Variants in ZNF544 observed in about 807,000 individuals in gnomAD.
ZNF544 encodes the protein zinc finger protein AF020591.
Under a neutral mutation model 13.5 loss-of-function variants are expected in ZNF544, and 10 were observed. The observed-to-expected ratio is 0.74, with a 90% CI of 0.46 to 1.25. The LOEUF (loss-of-function observed/expected upper bound fraction) is 1.25, where lower values mean the gene tolerates loss of function less well. ZNF544 is among the 50% of genes most tolerant of loss of function. The probability of loss-of-function intolerance (pLI) is 0.00; values close to 1 mark genes in which losing one functional copy is unlikely to be tolerated. For missense variants in ZNF544, 896 were observed against 845.6 expected (o/e 1.06, Z -0.74); for synonymous variants, 323 against 300.5 (o/e 1.07, Z -0.77).
Position 58,262,280 on chromosome 19 carries a change from A to G in ZNF544, c.1674A>G (p.Arg558=). The change falls in exon 7 of 7, where the codon AGA becomes AGG. Residue 558 remains arginine, a synonymous_variant. Coordinates refer to ENST00000687789, the MANE Select transcript of ZNF544 (RefSeq NM_014480.4). The stretch of plus-strand genomic sequence containing the variant: ...GTATTGAATGTGGGAAATCCTTCAG[A>G]TGGAACTCTAACCTCGTCATACATC... ...YQCIECGKSF[R]WNSNLVIHQR... 2 of 1,613,156 alleles carry G rather than the reference A, an allele frequency of 1.2e-6. No homozygotes were observed. Among genetic ancestry groups the G allele is most frequent in the South Asian group, 2.2e-5 (2 of 91,008 alleles).
chr19:58,261,614 C>A lies in ZNF544; in HGVS notation c.1008C>A (p.Pro336=). ...GTGAGGAACGCTGTGCTGCCTTCCC[C>A]ATGGCCTCATCTTTTTCTGACTGTA... ...FRCEERCAAF[P]MASSFSDCNI... The change falls in exon 7 of 7, where the codon CCC becomes CCA. Residue 336 remains proline (P), a synonymous_variant. Transcript: ENST00000687789. 6.2e-7 allele frequency: 1 copy of A among 1,614,228 alleles called. No homozygotes were observed. Among genetic ancestry groups the A allele is most frequent in the Non-Finnish European group, 8.5e-7 (1 of 1,180,046 alleles).
intron 6 of ZNF544, among the ~76,000 whole-genome samples, chr19:58,248,306 A>C (rs1489715938): frequency 7.7e-6 from 1 of 130,226 alleles, no homozygotes; most frequent in African/African-American, 3.0e-5. Context: ...ACAGTGATGC[A>C]GTCATAGCTT....
chr19:58,260,608 C>G, intron 6 of ZNF544: 1 of 409,230 alleles, frequency 2.4e-6, no homozygotes, highest in Non-Finnish European at 4.4e-6. Flanking sequence ...TTCTTCTGCC[C>G]TCTATTTGGG....
intron 6 of ZNF544, among the ~76,000 whole-genome samples, chr19:58,257,005 T>C (rs921980931): frequency 1.3e-5 from 2 of 151,672 alleles, no homozygotes; most frequent in Non-Finnish European, 2.9e-5. Flanking sequence ...CACTGCAAGC[T>C]CCGCCTCCCA....
chr19:58,268,623 G>A (rs115513475), downstream of ZNF544, among the ~76,000 whole-genome samples: 93 of 152,296 alleles, frequency 6.1e-4, no homozygotes, highest in African/African-American at 2.0e-3. Flanking sequence ...TCCTGTCTCC[G>A]TTGGCTGGAG....
exon 7 of ZNF544, chr19:58,277,328 C>T: frequency 1.7e-6 from 2 of 1,148,682 alleles, no homozygotes; most frequent in Non-Finnish European, 2.2e-6. Flanking sequence ...CCTCCGTCCC[C>T]ACTGGTAACG....
At chr19:58,246,920 G>C in intron 6 of ZNF544, 126 bp downstream of exon 6, 1 of 769,830 alleles carries the variant, frequency 1.3e-6, no homozygotes, top group Non-Finnish European at 2.1e-6. Flanking sequence ...GCTCTTTGCA[G>C]CAGTTCACCC....
At chr19:58,269,150 G>A (rs1418588661) in intron 5 of ZNF544, among the ~76,000 whole-genome samples, 1 of 152,156 alleles carries the variant, frequency 6.6e-6, no homozygotes, top group Non-Finnish European at 1.5e-5. Flanking sequence ...AAAACAGATG[G>A]CAGGCTGGGC....
intron 3 of ZNF544, among the ~76,000 whole-genome samples, chr19:58,233,020 A>G (rs111373180): frequency 0.099 from 14,916 of 151,334 alleles, 2,418 homozygotes; most frequent in African/African-American, 0.34. Flanking sequence ...TAATTGACTC[A>G]CAGTTCCACA....
At chr19:58,252,096 C>A (rs1194476170) in intron 6 of ZNF544, among the ~76,000 whole-genome samples, 1 of 152,148 alleles carries the variant, frequency 6.6e-6, no homozygotes, top group Non-Finnish European at 1.5e-5. Flanking sequence ...AAACTTTTAT[C>A]CTTTGCAAGC....
At position 58,262,899 on chromosome 19, in the gene ZNF544, G is replaced by C; in HGVS notation, c.*145G>C. 1 of 1,475,074 alleles carries C rather than the reference G, an allele frequency of 6.8e-7. No homozygotes were observed. Among genetic ancestry groups the C allele is most frequent in the East Asian group, 2.4e-5 (1 of 42,232 alleles). 91.4% of individuals were successfully genotyped at this position (1,475,074 alleles called of 1,614,324 possible). Reference sequence around the variant, plus strand: ...ATTGAACATCAGAGGACATATCCTGGAGAAAAGCCCTACGAATGCATTGAT... The same window carrying C: ...ATTGAACATCAGAGGACATATCCTGCAGAAAAGCCCTACGAATGCATTGAT... On this transcript the variant is annotated 3_prime_UTR_variant, in exon 7 of 7. Transcript: ENST00000687789.
Position 58,263,098 on chromosome 19 carries a change from GA to G in ZNF544, c.*348del. The G allele has an allele frequency of 9.6e-7, 1 of 1,046,198 alleles. No homozygotes were observed. The highest frequency in any genetic ancestry group is 1.2e-6 in the Non-Finnish European group (1 of 866,870). The allele number at this position is 1,046,198 out of a possible 1,614,324, so 64.8% of individuals were successfully genotyped here. ...AGCCCTGTGAATGTTAACAAATGTG[GA>G]AAAGCTTCCAGTTATGATACTTTCC... On this transcript the variant is annotated 3_prime_UTR_variant, in exon 7 of 7. Coordinates refer to ENST00000687789, the MANE Select transcript of ZNF544 (RefSeq NM_014480.4).
At chr19:58,240,434 T>A (rs1194202265) in intron 3 of ZNF544, among the ~76,000 whole-genome samples, 1 of 151,942 alleles carries the variant, frequency 6.6e-6, no homozygotes. Flanking sequence ...ATTTTTTGTA[T>A]TTTTAGTAGA....
chr19:58,246,904 T>A (rs914349806), intron 6 of ZNF544, 110 bp downstream of exon 6: 4 of 966,404 alleles, frequency 4.1e-6, no homozygotes, highest in Non-Finnish European at 6.3e-6. Context: ...GGAAGCCTCC[T>A]TGGGTGCTCT....
intron 5 of ZNF544, among the ~76,000 whole-genome samples, chr19:58,274,487 G>C (rs924193770): frequency 2.6e-5 from 4 of 152,096 alleles, no homozygotes; most frequent in Non-Finnish European, 5.9e-5. Flanking sequence ...CTAAGGAAAG[G>C]GATGGAACAT....
Position 58,238,840 on chromosome 19 carries a change from C to T in ZNF544, c.-59-5125C>T, listed in dbSNP as rs1375747500. ...CAGGTTGTAGGGATTAGGATATGGC[C>T]ATCATTCAACCCACTAAGTCACGGT... On this transcript the variant is annotated intron_variant, in intron 3 of 6. Transcript: ENST00000687789. Among the ~76,000 whole-genome samples, 4 of 150,778 alleles carry T rather than the reference C, an allele frequency of 2.7e-5. No individual in the cohort carries two copies. The Admixed American group carries it at 2.7e-4, about 10-fold the overall frequency.
At position 58,262,526 on chromosome 19, in the gene ZNF544, C is replaced by T. The variant is rs753178441; in HGVS notation, c.1920C>T (p.Ala640=). ...ACAAATGCAATCAGTGCAATAAAGC[C>T]TTTGCAAGGAGCTCCTACCTTGTGA... is the stretch of plus-strand genomic sequence containing the variant. The part of the protein sequence containing the change: ...KPYKCNQCNK[A]FARSSYLVMH... Residue 640 remains alanine (A), a synonymous_variant, in exon 7 of 7, where the codon GCC becomes GCT. Transcript: ENST00000687789. The T allele has an allele frequency of 1.6e-5, 26 of 1,614,032 alleles. No individual in the cohort carries two copies. Among genetic ancestry groups the T allele is most frequent in the Admixed American group, 5.0e-5 (3 of 59,980 alleles).
chr19:58,239,353 C>T (rs1428787789), intron 3 of ZNF544, among the ~76,000 whole-genome samples: 3 of 150,542 alleles, frequency 2.0e-5, no homozygotes, highest in Non-Finnish European at 4.4e-5. Context: ...CCTCCACTCC[C>T]ACCAAACTCT....
intron 5 of ZNF544, among the ~76,000 whole-genome samples, chr19:58,270,249 T>C (rs575654178): frequency 5.5e-4 from 84 of 152,120 alleles, no homozygotes; most frequent in African/African-American, 2.0e-3. Flanking sequence ...AGATTGTTGA[T>C]TGACCCTTCA....
Sources: allele counts gnomAD v4.1 joint callset (sites outside exome capture counted in the v4.1 genomes callset), GRCh38; gene constraint gnomAD v4.1.1; transcripts MANE v1.5; gene names NCBI Gene and HGNC (gene_info 2026-07-23, HGNC 2026-07-21).